PHF12: variants seen among roughly 807,000 people sequenced by gnomAD.
PHF12 encodes PHD finger protein 12, also known as PHD factor 1.
PHF12 carries 6 observed loss-of-function variants against 99.8 expected under a neutral mutation model. That is an observed-to-expected ratio of 0.06 (90% CI 0.03 to 0.12). The LOEUF is 0.12. Among genes scored for constraint, PHF12 ranks in the 10% least tolerant of loss-of-function variants. The pLI, the probability that PHF12 is intolerant of heterozygous loss-of-function variation, is 1.00. For missense variants in PHF12, 954 were observed against 1,300.1 expected, an observed-to-expected ratio of 0.73 and a Z score of 4.09; for synonymous variants, 480 against 514.9, an observed-to-expected ratio of 0.93 and a Z score of 0.92.
intron 8 of PHF12, 85 bp from the exon 9 acceptor site, chr17:28,913,362 C>T: frequency 6.6e-7 from 1 of 1,516,172 alleles, no homozygotes; most frequent in South Asian, 1.3e-5. Context: ...TGCAGCAGAG[C>T]TGACAAGCAG....
intron 11 of PHF12, chr17:28,909,715 C>T (rs1325014335): frequency 4.2e-6 from 1 of 237,480 alleles, no homozygotes; most frequent in African/African-American, 2.3e-5. Flanking sequence ...CTTAGCCTTC[C>T]AAGCAGCTGG....
In PHF12 at chr17:28,950,378, C is replaced by G; in HGVS notation, c.67-132G>C. On this transcript the variant is annotated intron_variant, in intron 1 of 14. Coordinates refer to ENST00000332830, the MANE Select transcript of PHF12 (RefSeq NM_001033561.2). The surrounding 1 kb of genome is among the most constrained non-coding windows in gnomAD (Gnocchi z 5.7). ...CTTCTTCCTCCCATCCAGGCTGCTC[C>G]CAGAATCTCTCAGCCCCCGGAACCA... The G allele has an allele frequency of 1.9e-6, 2 of 1,050,298 alleles. No homozygotes were observed. The highest frequency in any genetic ancestry group is 2.7e-6 in the Non-Finnish European group (2 of 748,316). 65.1% of individuals were successfully genotyped at this position (1,050,298 alleles called of 1,614,324 possible).
At chr17:28,908,389 A>G (rs534357316) in intron 12 of PHF12, 12 of 190,378 alleles carry the variant, frequency 6.3e-5, no homozygotes, top group Non-Finnish European at 1.3e-4. Context: ...CAGAGGCACA[A>G]AAAGGATCAC....
Position 28,950,394 on chromosome 17 carries a change from C to G in PHF12, c.67-148G>C, listed in dbSNP as rs2040788420. 1.1e-6 allele frequency: 1 copy of G among 921,620 alleles called. No individual in the cohort carries two copies. Among genetic ancestry groups the G allele is most frequent in the Non-Finnish European group, 1.6e-6 (1 of 631,366 alleles). 57.1% of individuals were successfully genotyped at this position (921,620 alleles called of 1,614,324 possible). On this transcript the variant is annotated intron_variant, in intron 1 of 14. Transcript: ENST00000332830. This position sits in a 1 kb window ranked among gnomAD's most constrained non-coding sequence, Gnocchi z 5.7. ...AGGCTGCTCCCAGAATCTCTCAGCCCCCGGAACCAGGGGGAGCCCACCCTA... is the reference window on the plus strand; with the variant it reads ...AGGCTGCTCCCAGAATCTCTCAGCCGCCGGAACCAGGGGGAGCCCACCCTA...
intron 13 of PHF12, 131 bp downstream of exon 13, chr17:28,907,459 G>T: frequency 1.2e-6 from 1 of 825,448 alleles, no homozygotes; most frequent in Non-Finnish European, 1.9e-6. Context: ...CTCCAGGAAT[G>T]ACAGGGAGGG....
intron 2 of PHF12, among the ~76,000 whole-genome samples, chr17:28,933,426 A>G (rs997735256): frequency 6.6e-6 from 1 of 152,238 alleles, no homozygotes; most frequent in Non-Finnish European, 1.5e-5. Context: ...ATCTAAAGCC[A>G]CTAAGTAGCA....
intron 10 of PHF12, chr17:28,910,909 C>T: frequency 3.1e-6 from 2 of 639,292 alleles, no homozygotes; most frequent in Non-Finnish European, 5.2e-6. Flanking sequence ...TGTGTATATG[C>T]ACATGTAGAA....
Position 28,950,974 on chromosome 17 carries a change from G to A in PHF12, c.-14C>T, listed in dbSNP as rs769223723. 9.7e-5 allele frequency: 156 copies of A among 1,613,792 alleles called. No individual in the cohort carries two copies. Among genetic ancestry groups the A allele is most frequent in the Non-Finnish European group, 1.2e-4 (147 of 1,179,862 alleles). ...TTTCTCCCACATTCATCCACCTCCC[G>A]GGCTGGGTGCTCTCTGCTCCGGCCC... On this transcript the variant is annotated 5_prime_UTR_variant, in exon 1 of 15. Coordinates refer to ENST00000332830, the MANE Select transcript of PHF12 (RefSeq NM_001033561.2). This position sits in a 1 kb window ranked among gnomAD's most constrained non-coding sequence, Gnocchi z 5.7.
intron 2 of PHF12, among the ~76,000 whole-genome samples, chr17:28,945,952 G>T (rs1471910897): frequency 1.3e-5 from 2 of 152,232 alleles, no homozygotes; most frequent in East Asian, 1.9e-4. Context: ...TGACCAACAC[G>T]GTGAAACCCT....
At position 28,923,653 on chromosome 17, in the gene PHF12, C is replaced by CAAAAAAA. The variant is rs35263191; in HGVS notation, c.715+249_715+255dup. 9.2e-4 allele frequency among the ~76,000 whole-genome samples: 40 copies of CAAAAAAA among 43,476 alleles called. 1 individual carries two copies. Among genetic ancestry groups the CAAAAAAA allele is most frequent in the East Asian group, 3.4e-3 (4 of 1,188 alleles). 28.5% of individuals were successfully genotyped at this position (43,476 alleles called of 152,430 possible). A position where few individuals can be genotyped will look rare whatever the true frequency, so the allele number is the denominator to read the frequency against. ...AGCCTGAGTGACAAAGTGAGACTCA[C>CAAAAAAA]AAAAAAAAAAAAAAAAAAAAAAGGA... On this transcript the variant is annotated intron_variant, in intron 4 of 14. Coordinates refer to ENST00000332830, the MANE Select transcript of PHF12 (RefSeq NM_001033561.2).
In PHF12 at chr17:28,905,316, A is replaced by G. The variant is rs753527976; in HGVS notation, c.*867T>C. ...TTTCTGTAAAGTCTAAAACATTACA[A>G]TTACTATGTACATTGGTACTGGTTG... On this transcript the variant is annotated 3_prime_UTR_variant, in exon 15 of 15. Coordinates refer to ENST00000332830, the MANE Select transcript of PHF12 (RefSeq NM_001033561.2). 1 of 152,716 alleles carries G rather than the reference A, an allele frequency of 6.5e-6. No individual in the cohort carries two copies. 9.5% of individuals were successfully genotyped at this position (152,716 alleles called of 1,614,324 possible).
At position 28,950,738 on chromosome 17, in the gene PHF12, C is replaced by T. The variant is rs1375931999; in HGVS notation, c.66+157G>A. The stretch of plus-strand genomic sequence containing the variant: ...AACGTCCTCGGAGGCTGAGCTCAGC[C>T]CCCTAAATTGCAAAGAGGGGAGGGA... On this transcript the variant is annotated intron_variant, in intron 1 of 14. Coordinates refer to ENST00000332830, the MANE Select transcript of PHF12 (RefSeq NM_001033561.2). This position sits in a 1 kb window ranked among gnomAD's most constrained non-coding sequence, Gnocchi z 5.7. 9.2e-7 allele frequency: 1 copy of T among 1,085,158 alleles called. No individual in the cohort carries two copies. Among genetic ancestry groups the T allele is most frequent in the African/African-American group, 1.6e-5 (1 of 61,394 alleles). The allele number at this position is 1,085,158 out of a possible 1,614,324, so 67.2% of individuals were successfully genotyped here. A position where few individuals can be genotyped will look rare whatever the true frequency, so the allele number is the denominator to read the frequency against.
chr17:28,947,521 T>C (rs2040741191), intron 2 of PHF12, among the ~76,000 whole-genome samples: 1 of 151,774 alleles, frequency 6.6e-6, no homozygotes, highest in African/African-American at 2.4e-5. Context: ...GAGGTTGCAA[T>C]AAGCCGAGAT....
chr17:28,949,324 A>C lies in PHF12; in HGVS notation c.248+741T>G. Among the ~76,000 whole-genome samples, 1 of 151,810 alleles carries C rather than the reference A, an allele frequency of 6.6e-6. No individual in the cohort carries two copies. The highest frequency in any genetic ancestry group is 1.9e-4 in the East Asian group (1 of 5,164). ...CGGGAGGGAGGAGGGAAGAGGGAGG[A>C]GGAAGGAAGGCAGCTCTGAGAGGCA... On this transcript the variant is annotated intron_variant, in intron 2 of 14. Transcript: ENST00000332830. The surrounding 1 kb of genome is among the most constrained non-coding windows in gnomAD (Gnocchi z 4.6).
intron 5 of PHF12, among the ~76,000 whole-genome samples, chr17:28,921,405 A>T (rs1331148204): frequency 2.0e-5 from 3 of 150,710 alleles, no homozygotes; most frequent in Non-Finnish European, 4.4e-5. Flanking sequence ...AGGTTCAAAC[A>T]ATCTGACCGC....
chr17:28,917,695 G>T (rs1360414696), intron 6 of PHF12, among the ~76,000 whole-genome samples: 4 of 152,176 alleles, frequency 2.6e-5, no homozygotes, highest in African/African-American at 9.7e-5. Flanking sequence ...CTTAAGGAAG[G>T]CAGGAGAAAT....
At position 28,913,297 on chromosome 17, in the gene PHF12, GA is replaced by G; in HGVS notation, c.1294-21del. On this transcript the variant is annotated intron_variant, in intron 8 of 14. Transcript: ENST00000332830. ...GAGCCACTGCAATGGAAGGAGAGGA[GA>G]GGGGGGTGAGAAGCCTGAGAGGCGC... 2 of 1,583,760 alleles carry G rather than the reference GA, an allele frequency of 1.3e-6. No homozygotes were observed. The highest frequency in any genetic ancestry group is 8.6e-7 in the Non-Finnish European group (1 of 1,163,240).
At chr17:28,921,597 AT>A in intron 5 of PHF12, 90 bp downstream of exon 5, 1 of 1,490,380 alleles carries the variant, frequency 6.7e-7, no homozygotes, top group South Asian at 1.2e-5. Flanking sequence ...GGCTGTTCAC[AT>A]TTAACATACA....
chr17:28,908,597 G>T, intron 12 of PHF12, 186 bp downstream of exon 12: 1 of 619,880 alleles, frequency 1.6e-6, no homozygotes. Context: ...TGGGATTATA[G>T]GCGTGAGCCA....
Sources: gnomAD v4.1 joint callset for allele counts (sites outside exome capture counted in the v4.1 genomes callset) on GRCh38, gnomAD v4.1.1 for gene constraint, Gnocchi (gnomAD v3.1) non-coding constraint, MANE v1.5 for transcripts, NCBI Gene and HGNC (gene_info 2026-07-23, HGNC 2026-07-21) for gene names.